The following TLN2 variants were observed in gnomAD, a reference collection of about 807,000 sequenced individuals.
TLN2 encodes the protein talin 2.
Under a neutral mutation model 294.7 loss-of-function variants are expected in TLN2, and 118 were observed. The ratio of observed to expected loss-of-function variants is 0.40; its 90% confidence interval spans 0.34 to 0.47. The LOEUF (loss-of-function observed/expected upper bound fraction) is 0.47. TLN2 is among the 20% of genes least tolerant of loss of function. The pLI is 0.84. For synonymous variants in TLN2, 1,431 were observed against 1,304.5 expected (o/e 1.10, Z -2.09); for missense variants, 3,083 against 3,282.2 (o/e 0.94, Z 1.48).
rs550823714 is a variant in TLN2 at position 62,766,708 on chromosome 15, TCGACCTTTGCTGA to T, written c.5196+287_5196+299del. 8.9e-3 allele frequency among the ~76,000 whole-genome samples: 1,349 copies of T among 152,362 alleles called. 11 individuals carry two copies. Among genetic ancestry groups the T allele is most frequent in the Middle Eastern group, 0.02 (6 of 294 alleles). ...TGGCATTTACAGTCATCCGTTGCAATCGACCTTTGCTGAAAGAAACCAGAGACTGAAGCAGACA... is the reference window on the plus strand; with the variant it reads ...TGGCATTTACAGTCATCCGTTGCAATAAGAAACCAGAGACTGAAGCAGACA... On this transcript the variant is annotated intron_variant, in intron 41 of 58. Coordinates refer to ENST00000636159, the MANE Select transcript of TLN2 (RefSeq NM_015059.3).
intron 1 of TLN2, among the ~76,000 whole-genome samples, chr15:62,430,849 A>G (rs959601691): frequency 6.6e-6 from 1 of 151,572 alleles, no homozygotes; most frequent in Non-Finnish European, 1.5e-5. Flanking sequence ...AGTGATACTC[A>G]CTTTAGCCAT....
intron 44 of TLN2, 128 bp downstream of exon 44, chr15:62,781,369 C>G (rs1205116890): frequency 1.5e-6 from 1 of 659,058 alleles, no homozygotes; most frequent in African/African-American, 1.8e-5. Context: ...CTCAGGGGCT[C>G]CAGCTTCTGT....
chr15:62,552,851 C>T (rs183666803), intron 1 of TLN2, among the ~76,000 whole-genome samples: 37 of 152,256 alleles, frequency 2.4e-4, no homozygotes, highest in African/African-American at 7.2e-4. Context: ...CCTTGTATTT[C>T]CCCTAGGAGC....
intron 43 of TLN2, among the ~76,000 whole-genome samples, chr15:62,778,755 C>A (rs2063898202): frequency 1.3e-5 from 2 of 152,236 alleles, no homozygotes; most frequent in African/African-American, 4.8e-5. Context: ...CCAGCCAACA[C>A]AAGCCACAGA....
intron 1 of TLN2, among the ~76,000 whole-genome samples, chr15:62,477,641 A>G (rs2037845731): frequency 6.6e-6 from 1 of 152,104 alleles, no homozygotes; most frequent in Admixed American, 6.5e-5. Flanking sequence ...TGTGTTCTGT[A>G]TAAGTCAGCA....
chr15:62,743,190 T>C (rs911535892), intron 32 of TLN2, among the ~76,000 whole-genome samples: 20 of 152,140 alleles, frequency 1.3e-4, no homozygotes, highest in African/African-American at 4.6e-4. Flanking sequence ...CTGATCATCA[T>C]AGTCTCAGTC....
At chr15:62,743,549 G>T (rs1595858316) in intron 32 of TLN2, among the ~76,000 whole-genome samples, 1 of 152,126 alleles carries the variant, frequency 6.6e-6, no homozygotes, top group Non-Finnish European at 1.5e-5. Flanking sequence ...TGCCTGGTTT[G>T]TTCATTTTCT....
chr15:62,769,060 G>A (rs1052683548), intron 41 of TLN2, among the ~76,000 whole-genome samples: 3 of 152,210 alleles, frequency 2.0e-5, no homozygotes, highest in Non-Finnish European at 2.9e-5. Context: ...TGGGGGAGCC[G>A]GGCTCCCATT....
chr15:62,599,646 A>C (rs2046825689), intron 2 of TLN2, among the ~76,000 whole-genome samples: 1 of 152,170 alleles, frequency 6.6e-6, no homozygotes, highest in African/African-American at 2.4e-5. Context: ...TATTTCCCAG[A>C]TATGTTCTAT....
At chr15:62,407,923 A>AAAATAAAT (rs10626679) in intron 1 of TLN2, among the ~76,000 whole-genome samples, 1,567 of 148,616 alleles carry the variant, frequency 0.011, 16 homozygotes, top group African/African-American at 0.021. Context: ...ACTCTGTCTC[A>AAAATAAAT]AAATAAATAA....
At chr15:62,719,571 G>T (rs893699588) in intron 24 of TLN2, among the ~76,000 whole-genome samples, 196 bp from the exon 25 acceptor site, 7 of 152,178 alleles carry the variant, frequency 4.6e-5, no homozygotes, top group Non-Finnish European at 8.8e-5. Context: ...TATGTGTAGA[G>T]AAAATGCCCA....
At chr15:62,590,840 C>T (rs2046020846) in intron 2 of TLN2, among the ~76,000 whole-genome samples, 1 of 152,112 alleles carries the variant, frequency 6.6e-6, no homozygotes, top group Non-Finnish European at 1.5e-5. Context: ...CTGTTCCTGA[C>T]CAGCTGCAGA....
chr15:62,445,988 T>A (rs919156995), intron 1 of TLN2, among the ~76,000 whole-genome samples: 1 of 150,360 alleles, frequency 6.7e-6, no homozygotes, highest in African/African-American at 2.4e-5. Context: ...TCTGTAGTCT[T>A]TTTTTTTTGT....
Position 62,792,788 on chromosome 15 carries a change from G to T in TLN2, c.5883+1G>T. ...ATGCGCCCGTGCCGTCACGGAAAAG[G>T]TAAGGAGCAGCCCTCAGTTTAGAGT... On this transcript the variant is annotated splice_donor_variant, in intron 46 of 58. Coordinates refer to ENST00000636159, the MANE Select transcript of TLN2 (RefSeq NM_015059.3). LOFTEE classifies it high-confidence loss of function. 2 of 1,613,918 alleles carry T rather than the reference G, an allele frequency of 1.2e-6. No individual in the cohort carries two copies. The highest frequency in any genetic ancestry group is 1.7e-6 in the Non-Finnish European group (2 of 1,179,990).
chr15:62,469,901 C>G (rs1332865420), intron 1 of TLN2, among the ~76,000 whole-genome samples: 1 of 152,020 alleles, frequency 6.6e-6, no homozygotes, highest in Non-Finnish European at 1.5e-5. Flanking sequence ...TTCCTGAGCT[C>G]AAAATGGGCA....
intron 1 of TLN2, among the ~76,000 whole-genome samples, chr15:62,539,867 T>C (rs1222558590): frequency 6.7e-6 from 1 of 148,812 alleles, no homozygotes; most frequent in Non-Finnish European, 1.5e-5. Flanking sequence ...CATTAACTGA[T>C]GACATCCAGG....
chr15:62,690,701 A>G (rs1263775254), intron 12 of TLN2, among the ~76,000 whole-genome samples: 2 of 149,026 alleles, frequency 1.3e-5, no homozygotes, highest in Non-Finnish European at 2.9e-5. Context: ...AGATCACGCC[A>G]CTGCACTCCA....
rs78715019 is a variant in TLN2 at position 62,458,640 on chromosome 15, G to C, written c.-238+67955G>C. 1.8e-4 allele frequency among the ~76,000 whole-genome samples: 27 copies of C among 151,162 alleles called. No homozygotes were observed. In the East Asian group the frequency reaches 5.3e-3, roughly 29 times the overall value. ...AAAATTTAGCTGGGTGTCATGGTGC[G>C]CACCTATAGTCCCGGCTGCTTTGGA... On this transcript the variant is annotated intron_variant, in intron 1 of 58. Transcript: ENST00000636159.
At chr15:62,466,124 G>T (rs1343336201) in intron 1 of TLN2, among the ~76,000 whole-genome samples, 1 of 152,210 alleles carries the variant, frequency 6.6e-6, no homozygotes, top group Admixed American at 6.5e-5. Context: ...GCGGCTGCCA[G>T]CCTGGAGAGC....
Sources: gnomAD v4.1 joint callset for allele counts (sites outside exome capture counted in the v4.1 genomes callset) on GRCh38, gnomAD v4.1.1 for gene constraint, MANE v1.5 for transcripts, NCBI Gene and HGNC (gene_info 2026-07-23, HGNC 2026-07-21) for gene names.